Variants in PCNT observed in about 807,000 individuals in gnomAD.
The protein encoded by PCNT is kendrin.
Under a neutral mutation model 380.4 loss-of-function variants are expected in PCNT, and 319 were observed. The ratio of observed to expected loss-of-function variants is 0.84; its 90% CI spans 0.77 to 0.92. The LOEUF is 0.92. PCNT is among the 40% of genes least tolerant of loss of function. The pLI, the probability that PCNT is intolerant of heterozygous loss-of-function variation, is 0.00. For missense variants in PCNT, 4,400 were observed against 4,255.3 expected (o/e 1.03, Z -0.95); for synonymous variants, 1,845 against 1,735.2 (o/e 1.06, Z -1.57).
Position 46,430,091 on chromosome 21 carries a change from A to G in PCNT, c.7772A>G (p.Lys2591Arg), listed in dbSNP as rs1426420965. ...LQKTLSEEQE[K>R]ANSVQKLLAA... is the part of the protein sequence containing the mutation. ...AAGACGCTGAGTGAAGAGCAAGAGA[A>G]GGCAAACAGCGTGCAGAAGCTCCTG... Residue 2591 changes from lysine (K) to arginine (R), a missense_variant, in exon 36 of 47, where the codon AAG becomes AGG. Physicochemically the swap from Lys to Arg is conservative, Grantham distance 26. Transcript: ENST00000359568. The G allele has an allele frequency of 1.2e-6, 2 of 1,614,130 alleles. No individual in the cohort carries two copies. Among genetic ancestry groups the G allele is most frequent in the Non-Finnish European group, 1.7e-6 (2 of 1,180,038 alleles).
At chr21:46,355,061 A>C (rs1295259361) in intron 11 of PCNT, among the ~76,000 whole-genome samples, 1 of 152,186 alleles carries the variant, frequency 6.6e-6, no homozygotes, top group African/African-American at 2.4e-5. Flanking sequence ...GGCAGTGGTC[A>C]CAGGAGGCTG....
At chr21:46,354,103 T>C (rs1376907945) in intron 11 of PCNT, 35 bp downstream of exon 11, 1 of 1,571,562 alleles carries the variant, frequency 6.4e-7, no homozygotes, top group Admixed American at 1.7e-5. Context: ...GGGGGAGTCC[T>C]GTGCTCTTGA....
chr21:46,331,975 C>T (rs2083574699), intron 2 of PCNT, among the ~76,000 whole-genome samples: 1 of 152,124 alleles, frequency 6.6e-6, no homozygotes. Context: ...GCCTGGCCAA[C>T]GTGGTGAAAC....
Position 46,445,491 on chromosome 21 carries a change from C to A in PCNT, c.*164C>A. 1 of 688,940 alleles carries A rather than the reference C, an allele frequency of 1.5e-6. No individual in the cohort carries two copies. Among genetic ancestry groups the A allele is most frequent in the Non-Finnish European group, 2.6e-6 (1 of 378,082 alleles). The allele number at this position is 688,940 out of a possible 1,614,324, so 42.7% of individuals were successfully genotyped here. On this transcript the variant is annotated 3_prime_UTR_variant, in exon 47 of 47. Transcript: ENST00000359568. Reference sequence around the variant, plus strand: ...TAAGTGTCCTCACCTTTATGCATGACTGCAAAGCCAGCTGGAGCATTTTCT... The same window carrying A: ...TAAGTGTCCTCACCTTTATGCATGAATGCAAAGCCAGCTGGAGCATTTTCT...
At chr21:46,381,663 T>G (rs1251052172) in intron 15 of PCNT, 31 bp from the exon 16 acceptor site, 1 of 1,599,468 alleles carries the variant, frequency 6.3e-7, no homozygotes, top group Non-Finnish European at 8.6e-7. Flanking sequence ...TCTAGCTTAC[T>G]GGTATTTTTT....
Position 46,366,778 on chromosome 21 carries a change from A to AG in PCNT, c.2805dup (p.Ser936GlufsTer34). On this transcript the variant is annotated frameshift_variant, in exon 15 of 47. Transcript: ENST00000359568. LOFTEE classifies it high-confidence loss of function. Reference sequence around the variant, plus strand: ...TTGGGCGAGCTGACAGCCTCCTTAGAGAGCAAGCAGGGGGCTCTGCTGGCT... The same window carrying AG: ...TTGGGCGAGCTGACAGCCTCCTTAGAGGAGCAAGCAGGGGGCTCTGCTGGCT... The AG allele has an allele frequency of 5.0e-6, 8 of 1,613,684 alleles. No homozygotes were observed. Among genetic ancestry groups the AG allele is most frequent in the Non-Finnish European group, 6.8e-6 (8 of 1,180,030 alleles).
chr21:46,381,035 A>T (rs1342609762), intron 15 of PCNT, among the ~76,000 whole-genome samples: 1 of 151,810 alleles, frequency 6.6e-6, no homozygotes, highest in Non-Finnish European at 1.5e-5. Context: ...AAATTAGTTG[A>T]GTGTGGTGGC....
chr21:46,423,524 T>A (rs906077662), intron 32 of PCNT, among the ~76,000 whole-genome samples: 7 of 151,634 alleles, frequency 4.6e-5, no homozygotes, highest in Non-Finnish European at 1.0e-4. Flanking sequence ...GTCAAGGAGA[T>A]GTTTCTGTTA....
At chr21:46,330,855 C>T (rs2083537233) in intron 2 of PCNT, among the ~76,000 whole-genome samples, 1 of 152,204 alleles carries the variant, frequency 6.6e-6, no homozygotes, top group Non-Finnish European at 1.5e-5. Context: ...GTTGGTCATG[C>T]TGCGTCGGAG....
chr21:46,425,869 C>G lies in PCNT; in HGVS notation c.7218C>G (p.Ile2406Met). ...LQMVRDESHQILALSEGLAPP... is the reference protein window; with the variant it reads ...LQMVRDESHQMLALSEGLAPP... ...TGGTGCGTGACGAGAGCCACCAGAT[C>G]CTGGCGCTGTCAGAAGGCCTTGCAC... The change falls in exon 33 of 47, where the codon ATC becomes ATG. Residue 2406 changes from isoleucine to methionine, a missense_variant. Transcript: ENST00000359568. The surrounding 1 kb of genome is among the most constrained non-coding windows in gnomAD (Gnocchi z 4.2). The G allele has an allele frequency of 2.5e-6, 4 of 1,613,824 alleles. No individual in the cohort carries two copies. Among genetic ancestry groups the G allele is most frequent in the Non-Finnish European group, 3.4e-6 (4 of 1,180,020 alleles).
At chr21:46,358,703 C>T (rs2084571496) in intron 13 of PCNT, among the ~76,000 whole-genome samples, 1 of 151,914 alleles carries the variant, frequency 6.6e-6, no homozygotes, top group African/African-American at 2.4e-5. Flanking sequence ...CAGCTCACTG[C>T]AACCTTCACC....
chr21:46,389,523 C>T (rs906267036), intron 19 of PCNT, 92 bp downstream of exon 19: 51 of 997,150 alleles, frequency 5.1e-5, no homozygotes, highest in East Asian at 2.8e-4. Context: ...GTGCCAACGA[C>T]GCTCGCACGG....
rs368622182 is a variant in PCNT at position 46,411,993 on chromosome 21, G to T, written c.5920G>T (p.Ala1974Ser). Residue 1974 changes from alanine (A) to serine (S), a missense_variant, in exon 28 of 47, where the codon GCC (alanine) becomes TCC (serine). Physicochemically the swap from Ala to Ser is moderately conservative, Grantham distance 99. Coordinates refer to ENST00000359568, the MANE Select transcript of PCNT (RefSeq NM_006031.6). Reference sequence around the variant, plus strand: ...CCCACAGCCTCGCATGGATGGTGGCGCCAAGGCCCAGGTCACCGGCGACGT... The same window carrying T: ...CCCACAGCCTCGCATGGATGGTGGCTCCAAGGCCCAGGTCACCGGCGACGT... The part of the protein sequence containing the change: ...AHPQPRMDGG[A>S]KAQVTGDVEA... 13 of 1,605,200 alleles carry T rather than the reference G, an allele frequency of 8.1e-6. No homozygotes were observed. The African/African-American group carries it at 1.7e-4, about 21-fold the overall frequency.
intron 35 of PCNT, among the ~76,000 whole-genome samples, chr21:46,428,824 G>A (rs760467265): frequency 1.3e-5 from 2 of 152,206 alleles, no homozygotes; most frequent in Non-Finnish European, 2.9e-5. Context: ...GGCAAGAGGG[G>A]CCTGGGTTGG....
In PCNT at chr21:46,411,205, G is replaced by A; in HGVS notation, c.5132G>A (p.Ser1711Asn). 6.2e-7 allele frequency: 1 copy of A among 1,614,122 alleles called. No individual in the cohort carries two copies. Among genetic ancestry groups the A allele is most frequent in the Non-Finnish European group, 8.5e-7 (1 of 1,180,000 alleles). ...TCTCTTCAGGTCATATATACCAGAA[G>A]TTCTGAGATTGAAGAGCTGAAAGCC... ...NTSLKVIYTR[S>N]SEIEELKATI... The change falls in exon 28 of 47, where the codon AGT becomes AAT. Residue 1711 changes from serine to asparagine, a missense_variant. By Grantham distance (46) the Ser-to-Asn change is conservative. Coordinates refer to ENST00000359568, the MANE Select transcript of PCNT (RefSeq NM_006031.6).
At chr21:46,333,176 G>A (rs1193254080) in intron 2 of PCNT, among the ~76,000 whole-genome samples, 1 of 152,132 alleles carries the variant, frequency 6.6e-6, no homozygotes, top group Non-Finnish European at 1.5e-5. Context: ...ACTCACACCT[G>A]TAATCCCAGC....
At chr21:46,333,773 G>A (rs2083633747) in intron 2 of PCNT, among the ~76,000 whole-genome samples, 1 of 151,580 alleles carries the variant, frequency 6.6e-6, no homozygotes, top group Non-Finnish European at 1.5e-5. Flanking sequence ...AGGAGGTGGA[G>A]GTTTCAGTGA....
At chr21:46,393,955 G>C (rs989251260) in intron 21 of PCNT, among the ~76,000 whole-genome samples, 2 of 152,242 alleles carry the variant, frequency 1.3e-5, no homozygotes, top group Non-Finnish European at 2.9e-5. Flanking sequence ...GGCATGCCGG[G>C]AGTGGATCTC....
rs532141835 is a variant in PCNT at position 46,368,025 on chromosome 21, C to T, written c.3165+886C>T. On this transcript the variant is annotated intron_variant, in intron 15 of 46. Coordinates refer to ENST00000359568, the MANE Select transcript of PCNT (RefSeq NM_006031.6). ...AAACAATTCACCGGGCGTGGGGGCA[C>T]GCACCTGTAGTCTCAGCTACTTTGG... Among the ~76,000 whole-genome samples, 22 of 152,194 alleles carry T rather than the reference C, an allele frequency of 1.4e-4. No homozygotes were observed. In the East Asian group the frequency reaches 1.5e-3, roughly 11 times the overall value.
Sources: allele counts gnomAD v4.1 joint callset (sites outside exome capture counted in the v4.1 genomes callset), GRCh38; gene constraint gnomAD v4.1.1; non-coding constraint Gnocchi (gnomAD v3.1); transcripts MANE v1.5; gene names NCBI Gene and HGNC (gene_info 2026-07-23, HGNC 2026-07-21).